Variants in DENND2B observed in about 807,000 individuals in gnomAD.
DENND2B encodes DENN domain-containing protein 2B.
In DENND2B, 32 loss-of-function variants were observed where a neutral mutation model predicts 116.0. That is an observed-to-expected ratio of 0.28 (90% CI 0.21 to 0.37). The LOEUF (loss-of-function observed/expected upper bound fraction) is 0.37. DENND2B is among the 10% of genes least tolerant of loss of function. The pLI is 1.00. For synonymous variants in DENND2B, 588 were observed against 583.9 expected (o/e 1.01, Z -0.10); for missense variants, 1,276 against 1,477.7 (o/e 0.86, Z 2.24).
At chr11:8,871,869 G>A (rs2063786801), upstream of DENND2B, among the ~76,000 whole-genome samples, 1 of 152,136 alleles carries the variant, frequency 6.6e-6, no homozygotes, top group South Asian at 2.1e-4. Flanking sequence ...AATCAACTTG[G>A]AAAAGAAAAA....
intron 2 of DENND2B, among the ~76,000 whole-genome samples, chr11:8,859,828 C>CA (rs2063334776): frequency 1.3e-5 from 2 of 152,146 alleles, no homozygotes; most frequent in South Asian, 2.1e-4. Context: ...CACCATCTGC[C>CA]ATGCCATTTT....
At chr11:8,854,361 C>T (rs1201108475) in intron 3 of DENND2B, among the ~76,000 whole-genome samples, 2 of 151,936 alleles carry the variant, frequency 1.3e-5, no homozygotes, top group Non-Finnish European at 2.9e-5. Flanking sequence ...ACCACCACGA[C>T]CAGCTAATTT....
intron 2 of DENND2B, 41 bp downstream of exon 2, chr11:8,750,580 G>A: frequency 6.4e-7 from 1 of 1,558,940 alleles, no homozygotes; most frequent in Non-Finnish European, 8.8e-7. Flanking sequence ...CCAGGACCTA[G>A]GTCCCTTGAT....
chr11:8,735,392 G>A (rs141672705), intron 2 of DENND2B, among the ~76,000 whole-genome samples: 239 of 152,294 alleles, frequency 1.6e-3, no homozygotes, highest in Non-Finnish European at 1.5e-3. Context: ...ACATGAGTGC[G>A]CCCAGGGGAA....
intron 1 of DENND2B, among the ~76,000 whole-genome samples, chr11:8,754,441 G>A (rs978005393): frequency 1.3e-5 from 2 of 152,178 alleles, no homozygotes; most frequent in Non-Finnish European, 2.9e-5. Context: ...TGAGACTGTA[G>A]AGAAATTGGA....
intron 1 of DENND2B, among the ~76,000 whole-genome samples, chr11:8,767,847 G>A (rs1052481227): frequency 6.6e-6 from 1 of 152,152 alleles, no homozygotes; most frequent in Non-Finnish European, 1.5e-5. Context: ...TTAAAACTGA[G>A]AGGAAAGAGT....
At chr11:8,695,684 G>T in intron 18 of DENND2B, 135 bp from the exon 19 acceptor site, 1 of 751,842 alleles carries the variant, frequency 1.3e-6, no homozygotes, top group Non-Finnish European at 2.2e-6. Flanking sequence ...ATTTGCAGGA[G>T]CATCTTACTA....
intron 1 of DENND2B, among the ~76,000 whole-genome samples, chr11:8,786,863 G>T (rs908878849): frequency 1.3e-5 from 2 of 152,090 alleles, no homozygotes; most frequent in Non-Finnish European, 2.9e-5. Context: ...GATTAGAACA[G>T]CTGCATGCTC....
chr11:8,837,609 G>T (rs547380336), intron 4 of DENND2B, among the ~76,000 whole-genome samples: 105 of 152,316 alleles, frequency 6.9e-4, no homozygotes, highest in African/African-American at 2.4e-3. Context: ...GCCTCCGAAA[G>T]TGCTGGGATT....
intron 1 of DENND2B, among the ~76,000 whole-genome samples, chr11:8,754,029 G>GCACGCACACA (rs1555169803): frequency 3.6e-5 from 5 of 138,734 alleles, no homozygotes; most frequent in Admixed American, 1.5e-4. Flanking sequence ...CCAAAAGCGC[G>GCACGCACACA]CACACACACA....
intron 1 of DENND2B, among the ~76,000 whole-genome samples, chr11:8,762,514 G>C (rs1242268467): frequency 1.3e-5 from 2 of 152,190 alleles, no homozygotes; most frequent in African/African-American, 2.4e-5. Flanking sequence ...AAACCCAAAC[G>C]ATTCTGGGCA....
At chr11:8,866,477 G>C (rs1406166038) in intron 2 of DENND2B, among the ~76,000 whole-genome samples, 2 of 152,158 alleles carry the variant, frequency 1.3e-5, no homozygotes, top group African/African-American at 4.8e-5. Flanking sequence ...ATTCTCCCGG[G>C]AAGACATACC....
chr11:8,823,093 C>T (rs1473449821), intron 4 of DENND2B, among the ~76,000 whole-genome samples: 3 of 124,328 alleles, frequency 2.4e-5, no homozygotes, highest in Admixed American at 7.9e-5. Flanking sequence ...CCATAAATAA[C>T]AGATTGGGGA....
chr11:8,852,650 C>T (rs1170262776), intron 3 of DENND2B, among the ~76,000 whole-genome samples: 1 of 152,158 alleles, frequency 6.6e-6, no homozygotes, highest in African/African-American at 2.4e-5. Flanking sequence ...ACGTTGAAAT[C>T]CATTAAGCTA....
At chr11:8,814,555 C>T (rs1013884706), upstream of DENND2B, among the ~76,000 whole-genome samples, 3 of 152,206 alleles carry the variant, frequency 2.0e-5, no homozygotes, top group African/African-American at 4.8e-5. Context: ...CTCTTACTCA[C>T]CTTGCCTCAC....
chr11:8,722,658 C>T (rs1181052282), intron 4 of DENND2B, among the ~76,000 whole-genome samples: 1 of 152,192 alleles, frequency 6.6e-6, no homozygotes. Context: ...GTATTTCCCT[C>T]TGGCCTCCCT....
chr11:8,777,197 G>T (rs924852529), intron 1 of DENND2B, among the ~76,000 whole-genome samples: 2 of 152,172 alleles, frequency 1.3e-5, no homozygotes, highest in African/African-American at 4.8e-5. Context: ...TACAGTGCCT[G>T]GAGAGAAGCA....
chr11:8,702,622 A>G lies in DENND2B; in HGVS notation c.2670T>C (p.Phe890=), dbSNP rs1341892561. Residue 890 remains phenylalanine (F), a synonymous_variant, in exon 14 of 20, where the codon TTT becomes TTC. Transcript: ENST00000313726. The surrounding 1 kb of genome is among the most constrained non-coding windows in gnomAD (Gnocchi z 4.6). The part of the protein sequence containing the change: ...CLSVRQLIRI[F]ASLLLERRVI... ...CCCGGCGCTCCAGCAGCAGTGAGGC[A>G]AAGATTCGGATGAGCTGGCGCACAC... 1.9e-6 allele frequency: 3 copies of G among 1,613,856 alleles called. No homozygotes were observed. The highest frequency in any genetic ancestry group is 1.1e-5 in the South Asian group (1 of 91,086).
At chr11:8,899,812 CAT>C (rs1245918845) in intron 1 of DENND2B, among the ~76,000 whole-genome samples, 1 of 152,172 alleles carries the variant, frequency 6.6e-6, no homozygotes, top group Non-Finnish European at 1.5e-5. Flanking sequence ...GGACTCTATA[CAT>C]ATGTTTCTCA....
Sources: allele counts gnomAD v4.1 joint callset (sites outside exome capture counted in the v4.1 genomes callset), GRCh38; gene constraint gnomAD v4.1.1; non-coding constraint Gnocchi (gnomAD v3.1); transcripts MANE v1.5; gene names NCBI Gene and HGNC (gene_info 2026-07-23, HGNC 2026-07-21).